CLPTM1: variants seen among roughly 807,000 people sequenced by gnomAD.
CLPTM1 encodes putative lipid scramblase CLPTM1.
A neutral mutation model predicts 77.3 loss-of-function variants in CLPTM1; 21 were observed. That is an observed-to-expected ratio of 0.27 (90% CI 0.19 to 0.39). The LOEUF is 0.39. CLPTM1 is among the 10% of genes least tolerant of loss of function. The pLI is 1.00. For missense variants in CLPTM1, 642 were observed against 921.2 expected (o/e 0.70, Z 3.92); for synonymous variants, 373 against 381.0 (o/e 0.98, Z 0.24).
Position 44,992,979 on chromosome 19 carries a change from C to T in CLPTM1, c.*82C>T. On this transcript the variant is annotated 3_prime_UTR_variant, in exon 14 of 14. Transcript: ENST00000337392. This position sits in a 1 kb window ranked among gnomAD's most constrained non-coding sequence, Gnocchi z 7.7. ...CCCCCTCGCCTCCCCTCCCTGTCGC[C>T]CTTTCCCTGGACAGATCAGGCCGGG... The T allele has an allele frequency of 1.3e-6, 2 of 1,503,578 alleles. No individual in the cohort carries two copies. The highest frequency in any genetic ancestry group is 1.8e-6 in the Non-Finnish European group (2 of 1,108,672). 93.1% of individuals were successfully genotyped at this position (1,503,578 alleles called of 1,614,324 possible).
chr19:44,983,211 A>G (rs1970924916), intron 5 of CLPTM1, among the ~76,000 whole-genome samples: 2 of 152,126 alleles, frequency 1.3e-5, no homozygotes, highest in South Asian at 4.1e-4. Context: ...GATTGCCCCC[A>G]GAGCCCCCGC....
At chr19:44,957,370 G>C (rs1278526063) in intron 1 of CLPTM1, among the ~76,000 whole-genome samples, 1 of 152,270 alleles carries the variant, frequency 6.6e-6, no homozygotes, top group African/African-American at 2.4e-5. Context: ...CAGGAGGGCA[G>C]AGCCAGGACT....
At chr19:44,986,945 G>A in intron 7 of CLPTM1, 1 of 578,540 alleles carries the variant, frequency 1.7e-6, no homozygotes, top group Non-Finnish European at 3.0e-6. Flanking sequence ...GGGCAGCCGT[G>A]GGCTGGAGCT....
rs573201676 is a variant in CLPTM1, at chr19:44,977,334, C to CT, written c.469-5dup. 498 of 1,605,948 alleles carry CT rather than the reference C, an allele frequency of 3.1e-4. 1 individual carries two copies. In the African/African-American group the frequency reaches 5.6e-3, roughly 18 times the overall value. On this transcript the variant is annotated splice_polypyrimidine_tract_variant and intron_variant, in intron 4 of 13. Transcript: ENST00000337392. Reference sequence around the variant, plus strand: ...CCAGCCTGCCCACCTGACCTTCCGTCTTTTGCAGAGCGTCCAGCAGAACGG... The same window carrying CT: ...CCAGCCTGCCCACCTGACCTTCCGTCTTTTTGCAGAGCGTCCAGCAGAACGG...
intron 1 of CLPTM1, 51 bp from the exon 2 acceptor site, chr19:44,961,912 A>T (rs766617979): frequency 7.0e-6 from 9 of 1,278,664 alleles, no homozygotes; most frequent in Non-Finnish European, 9.7e-6. Flanking sequence ...GGTGTCTAAG[A>T]CAGCCCCCGT....
chr19:44,974,542 G>C lies in CLPTM1; in HGVS notation c.413G>C (p.Ser138Thr). ...QHDLVYGDWT[S>T]GENSDGCYEH... ...GATCTTGTGTATGGCGACTGGACTA[G>C]CGGCGAGAACTCAGACGGCTGCTAC... Residue 138 changes from serine to threonine, a missense_variant, in exon 4 of 14, where the codon AGC becomes ACC. This residue lies in a region of CLPTM1 where 521 missense variants were observed against 800.4 expected (regional missense o/e 0.65). Coordinates refer to ENST00000337392, the MANE Select transcript of CLPTM1 (RefSeq NM_001294.4). 1 of 1,614,210 alleles carries C rather than the reference G, an allele frequency of 6.2e-7. No homozygotes were observed. Among genetic ancestry groups the C allele is most frequent in the Non-Finnish European group, 8.5e-7 (1 of 1,180,030 alleles).
chr19:44,955,776 C>G (rs866621109), intron 1 of CLPTM1: 3 of 312,754 alleles, frequency 9.6e-6, no homozygotes, highest in Middle Eastern at 8.4e-4. Flanking sequence ...CTCAACTCCG[C>G]GATTCCATGC....
At chr19:44,955,131 A>G (rs966773624), upstream of CLPTM1, 2 of 1,535,648 alleles carry the variant, frequency 1.3e-6, no homozygotes, top group Non-Finnish European at 1.7e-6. Flanking sequence ...TGCGGGAGGC[A>G]CATGCTGGCC....
At chr19:44,985,541 G>A (rs1469802292) in intron 6 of CLPTM1, among the ~76,000 whole-genome samples, 1 of 152,182 alleles carries the variant, frequency 6.6e-6, no homozygotes, top group East Asian at 1.9e-4. Context: ...GCCAGCCTGG[G>A]AGGGGTCTAC....
At chr19:44,983,636 A>G (rs1475262976) in intron 5 of CLPTM1, among the ~76,000 whole-genome samples, 6 of 148,140 alleles carry the variant, frequency 4.1e-5, no homozygotes, top group Non-Finnish European at 7.4e-5. Context: ...AAAAAAAAAA[A>G]AAAAAAAAAG....
intron 6 of CLPTM1, 126 bp from the exon 7 acceptor site, chr19:44,986,329 T>C: frequency 7.8e-7 from 1 of 1,278,722 alleles, no homozygotes; most frequent in Non-Finnish European, 1.1e-6. Context: ...TGAGACCCCA[T>C]CTCAGAAAAA....
At chr19:44,961,368 C>T (rs1034042807) in intron 1 of CLPTM1, among the ~76,000 whole-genome samples, 2 of 152,172 alleles carry the variant, frequency 1.3e-5, no homozygotes, top group African/African-American at 4.8e-5. Flanking sequence ...AAGGCTCTTT[C>T]AGCTAAGCCC....
chr19:44,985,169 A>T, intron 5 of CLPTM1, 49 bp from the exon 6 acceptor site: 1 of 1,378,270 alleles, frequency 7.3e-7, no homozygotes, highest in Non-Finnish European at 1.0e-6. Flanking sequence ...TGGAGGCTGC[A>T]GGTGCCAGCA....
At chr19:44,986,419 C>T (rs1231752772) in intron 6 of CLPTM1, 36 bp from the exon 7 acceptor site, 2 of 1,609,594 alleles carry the variant, frequency 1.2e-6, no homozygotes, top group Non-Finnish European at 1.7e-6. Flanking sequence ...AGCACTTCCA[C>T]CTGCCTCTGA....
rs1247524884 is a variant in CLPTM1 at position 44,977,814 on chromosome 19, A to G, written c.586+354A>G. Among the ~76,000 whole-genome samples the G allele has an allele frequency of 2.6e-5, 4 of 152,174 alleles. No homozygotes were observed. The East Asian group carries it at 7.7e-4, about 29-fold the overall frequency. ...CACAGTAGGGGCCTGATAGAAGTAG[A>G]CACTCAAAAATAATTTGTGGGCTGG... On this transcript the variant is annotated intron_variant, in intron 5 of 13. Transcript: ENST00000337392.
chr19:44,973,974 C>T lies in CLPTM1; in HGVS notation c.310-465C>T, dbSNP rs57465754. On this transcript the variant is annotated intron_variant, in intron 3 of 13. Transcript: ENST00000337392. ...GAGATGGGGTTTTACCTTTTTGGTACGCTGGTCTCGAACTCCTGACCTCAA... is the reference window on the plus strand; with the variant it reads ...GAGATGGGGTTTTACCTTTTTGGTATGCTGGTCTCGAACTCCTGACCTCAA... Among the ~76,000 whole-genome samples, 3 of 150,074 alleles carry T rather than the reference C, an allele frequency of 2.0e-5. No individual in the cohort carries two copies. In the South Asian group the frequency reaches 6.3e-4, roughly 32 times the overall value.
chr19:44,977,528 A>G, intron 5 of CLPTM1, 68 bp downstream of exon 5: 1 of 1,215,446 alleles, frequency 8.2e-7, no homozygotes, highest in Non-Finnish European at 1.2e-6. Context: ...CCCCAGGCTA[A>G]TGTGGCGGAC....
intron 2 of CLPTM1, among the ~76,000 whole-genome samples, chr19:44,963,116 G>A (rs1485306990): frequency 6.7e-6 from 1 of 149,004 alleles, no homozygotes; most frequent in Non-Finnish European, 1.5e-5. Context: ...GCTGAGGGCA[G>A]GAGAATCGTT....
chr19:44,965,613 A>T (rs1568382145), intron 2 of CLPTM1, among the ~76,000 whole-genome samples: 3 of 152,120 alleles, frequency 2.0e-5, no homozygotes, highest in African/African-American at 7.2e-5. Flanking sequence ...GGAGATCGAG[A>T]CCATCCTGGC....
Sources: gnomAD v4.1 joint callset for allele counts (sites outside exome capture counted in the v4.1 genomes callset) on GRCh38, gnomAD v4.1.1 for gene constraint, gnomAD v4.1.1 regional missense constraint, Gnocchi (gnomAD v3.1) non-coding constraint, MANE v1.5 for transcripts, NCBI Gene and HGNC (gene_info 2026-07-23, HGNC 2026-07-21) for gene names.